MARCHF1: variants seen among roughly 807,000 people sequenced by gnomAD.
MARCHF1 encodes E3 ubiquitin-protein ligase MARCHF1.
A neutral mutation model predicts 54.2 loss-of-function variants in MARCHF1; 40 were observed. The ratio of observed to expected loss-of-function variants is 0.74; its 90% CI spans 0.57 to 0.96. MARCHF1 has a LOEUF of 0.96. MARCHF1 is among the 40% of genes least tolerant of loss of function. MARCHF1 has a pLI of 0.00. For missense variants in MARCHF1, 586 were observed against 656.5 expected, an observed-to-expected ratio of 0.89 and a Z score of 1.17; for synonymous variants, 236 against 236.3, an observed-to-expected ratio of 1.00 and a Z score of 0.01.
chr4:164,191,700 C>A (rs1210741701), intron 1 of MARCHF1, among the ~76,000 whole-genome samples: 1 of 152,084 alleles, frequency 6.6e-6, no homozygotes, highest in Non-Finnish European at 1.5e-5. Context: ...AAACTCGAGG[C>A]AAATGGATTG....
rs148833400 is a variant in MARCHF1, at chr4:163,756,298, T to C, written c.112-55435A>G. On this transcript the variant is annotated intron_variant, in intron 4 of 9. Coordinates refer to ENST00000514618, the MANE Select transcript of MARCHF1 (RefSeq NM_001394959.1). ...CAGGGCACTATCTACTACACCAGTA[T>C]AGAGAGATCATGGGTACAGAAGGAA... is the stretch of plus-strand genomic sequence containing the variant. 4.5e-3 allele frequency among the ~76,000 whole-genome samples: 677 copies of C among 152,054 alleles called. 2 individuals carry two copies. Among genetic ancestry groups the C allele is most frequent in the Non-Finnish European group, 5.2e-3 (356 of 67,970 alleles).
chr4:164,291,958 ATAT>A (rs1734293825), intron 1 of MARCHF1, among the ~76,000 whole-genome samples: 1 of 152,092 alleles, frequency 6.6e-6, no homozygotes, highest in African/African-American at 2.4e-5. Flanking sequence ...CATTCAACAA[ATAT>A]TATTGATGTT....
intron 2 of MARCHF1, among the ~76,000 whole-genome samples, chr4:164,025,346 C>T (rs978885391): frequency 5.3e-5 from 8 of 151,756 alleles, no homozygotes; most frequent in East Asian, 1.9e-4. Flanking sequence ...GCTCATAAAG[C>T]GAGGATCAAT....
intron 5 of MARCHF1, among the ~76,000 whole-genome samples, chr4:163,653,046 A>G (rs1456499533): frequency 2.1e-5 from 3 of 146,278 alleles, no homozygotes. Flanking sequence ...GCTACGTACT[A>G]TTAGAGAAAA....
chr4:163,679,892 G>A (rs867100785), intron 5 of MARCHF1, among the ~76,000 whole-genome samples: 1 of 151,836 alleles, frequency 6.6e-6, no homozygotes, highest in African/African-American at 2.4e-5. Flanking sequence ...GAGCCACCGC[G>A]CCCGGCCTTT....
chr4:164,209,382 C>G (rs955238668), intron 1 of MARCHF1, among the ~76,000 whole-genome samples: 1 of 152,142 alleles, frequency 6.6e-6, no homozygotes, highest in African/African-American at 2.4e-5. Flanking sequence ...CAGGGAGGTT[C>G]TTATGGCCCA....
chr4:164,351,630 C>T (rs1230081832), intron 1 of MARCHF1, among the ~76,000 whole-genome samples: 2 of 152,110 alleles, frequency 1.3e-5, no homozygotes, highest in East Asian at 3.9e-4. Context: ...ATCATCAAGA[C>T]CAAAAGTAGA....
intron 5 of MARCHF1, among the ~76,000 whole-genome samples, chr4:163,666,939 A>G (rs1295351703): frequency 2.0e-5 from 3 of 152,138 alleles, no homozygotes; most frequent in Non-Finnish European, 4.4e-5. Flanking sequence ...AGAAGGGACC[A>G]TTTTAATCTT....
intron 8 of MARCHF1, among the ~76,000 whole-genome samples, chr4:163,566,131 G>C (rs1262874547): frequency 1.3e-5 from 2 of 152,144 alleles, no homozygotes; most frequent in East Asian, 1.9e-4. Flanking sequence ...TTTTGAATGA[G>C]AGCTTAGATT....
intron 1 of MARCHF1, among the ~76,000 whole-genome samples, chr4:164,204,486 G>A (rs898127441): frequency 7.2e-5 from 11 of 152,280 alleles, no homozygotes; most frequent in African/African-American, 2.6e-4. Flanking sequence ...TTTACATTGT[G>A]TGAGTCACAT....
intron 3 of MARCHF1, among the ~76,000 whole-genome samples, chr4:163,958,463 G>C (rs1752275549): frequency 6.6e-6 from 1 of 151,920 alleles, no homozygotes; most frequent in Admixed American, 6.6e-5. Context: ...TTTTGTAAAT[G>C]AATAAATGAA....
In MARCHF1 at chr4:163,733,258, T is replaced by TATATATACACATGTATATATACACACAC. The variant is rs1554008879; in HGVS notation, c.112-32396_112-32395insGTGTGTGTATATATACATGTGTATATAT. Among the ~76,000 whole-genome samples, 43 of 45,060 alleles carry TATATATACACATGTATATATACACACAC rather than the reference T, an allele frequency of 9.5e-4. 1 individual carries two copies. Among genetic ancestry groups the TATATATACACATGTATATATACACACAC allele is most frequent in the African/African-American group, 2.8e-3 (42 of 15,254 alleles). 29.6% of individuals were successfully genotyped at this position (45,060 alleles called of 152,430 possible). ...ATATATATACACGTGTATATATATA[T>TATATATACACATGTATATATACACACAC]ACACACACACACACACACAGACACA... On this transcript the variant is annotated intron_variant, in intron 4 of 9. Coordinates refer to ENST00000514618, the MANE Select transcript of MARCHF1 (RefSeq NM_001394959.1).
intron 1 of MARCHF1, among the ~76,000 whole-genome samples, chr4:164,376,890 G>T (rs1482394174): frequency 6.6e-6 from 1 of 152,192 alleles, no homozygotes; most frequent in Admixed American, 6.5e-5. Flanking sequence ...ACATCCGGCA[G>T]GGTCCAAAAA....
intron 3 of MARCHF1, among the ~76,000 whole-genome samples, chr4:163,958,804 A>T (rs1374704336): frequency 1.3e-5 from 2 of 151,978 alleles, no homozygotes; most frequent in Non-Finnish European, 1.5e-5. Context: ...ACAAAATCTC[A>T]CATTTGGGAT....
At chr4:163,674,673 G>C (rs1055422977) in intron 5 of MARCHF1, among the ~76,000 whole-genome samples, 3 of 152,144 alleles carry the variant, frequency 2.0e-5, no homozygotes, top group African/African-American at 7.2e-5. Context: ...TCAGACACTA[G>C]ATACCTGACT....
At chr4:164,200,924 A>T (rs1731433545) in intron 1 of MARCHF1, among the ~76,000 whole-genome samples, 1 of 152,166 alleles carries the variant, frequency 6.6e-6, no homozygotes, top group African/African-American at 2.4e-5. Flanking sequence ...TTCCAGGCAG[A>T]ATGAAGAGCC....
intron 1 of MARCHF1, among the ~76,000 whole-genome samples, chr4:164,198,821 T>G (rs1041826376): frequency 1.3e-5 from 2 of 152,162 alleles, no homozygotes; most frequent in African/African-American, 4.8e-5. Flanking sequence ...AAAGAGGGGC[T>G]CAAAAACCTG....
chr4:164,291,696 ATGTAT>A (rs563790404), intron 1 of MARCHF1, among the ~76,000 whole-genome samples: 15 of 152,192 alleles, frequency 9.9e-5, no homozygotes, highest in African/African-American at 3.4e-4. Context: ...TACAGTTGAC[ATGTAT>A]TGTAGACACA....
chr4:164,236,858 C>T (rs1030249390), intron 1 of MARCHF1, among the ~76,000 whole-genome samples: 5 of 152,210 alleles, frequency 3.3e-5, no homozygotes, highest in African/African-American at 1.2e-4. Flanking sequence ...CTCTCTGACC[C>T]CTAAAAACTG....
Sources: gnomAD v4.1 joint callset for allele counts (sites outside exome capture counted in the v4.1 genomes callset) on GRCh38, gnomAD v4.1.1 for gene constraint, MANE v1.5 for transcripts, NCBI Gene and HGNC (gene_info 2026-07-23, HGNC 2026-07-21) for gene names.